Variants in SPIDR observed in about 807,000 individuals in gnomAD.
SPIDR encodes scaffold protein involved in DNA repair.
A neutral mutation model predicts 104.6 loss-of-function variants in SPIDR; 93 were observed. The ratio of observed to expected loss-of-function variants is 0.89; its 90% CI spans 0.75 to 1.06. The LOEUF (loss-of-function observed/expected upper bound fraction) is 1.06, where lower values mean the gene tolerates loss of function less well. Among genes scored for constraint, SPIDR ranks in the 50% least tolerant of loss-of-function variants. SPIDR has a pLI of 0.00. For missense variants in SPIDR, 1,154 were observed against 1,111.2 expected (o/e 1.04, Z -0.55); for synonymous variants, 431 against 416.9 (o/e 1.03, Z -0.41).
At chr8:47,627,998 C>A (rs2066465167) in intron 10 of SPIDR, among the ~76,000 whole-genome samples, 1 of 152,186 alleles carries the variant, frequency 6.6e-6, no homozygotes, top group African/African-American at 2.4e-5. Flanking sequence ...CTCATGATAC[C>A]ACTGACTGTG....
intron 7 of SPIDR, among the ~76,000 whole-genome samples, chr8:47,418,417 C>G (rs940619457): frequency 1.3e-5 from 2 of 151,962 alleles, no homozygotes; most frequent in South Asian, 4.1e-4. Context: ...GGATGTGGCT[C>G]TCTGTTTGTT....
At chr8:47,482,143 G>A (rs1554727633) in intron 8 of SPIDR, among the ~76,000 whole-genome samples, 3 of 152,164 alleles carry the variant, frequency 2.0e-5, no homozygotes, top group Admixed American at 1.3e-4. Flanking sequence ...ATTGTCATGA[G>A]CAGTTCCACC....
intron 8 of SPIDR, among the ~76,000 whole-genome samples, chr8:47,462,071 G>A (rs1554713878): frequency 6.6e-6 from 1 of 152,068 alleles, no homozygotes; most frequent in Non-Finnish European, 1.5e-5. Flanking sequence ...CTGGCACTCA[G>A]GGCTAGTGTT....
At chr8:47,346,688 G>A (rs1157260206) in intron 5 of SPIDR, among the ~76,000 whole-genome samples, 1 of 152,110 alleles carries the variant, frequency 6.6e-6, no homozygotes, top group African/African-American at 2.4e-5. Flanking sequence ...TTTAGTCTTG[G>A]GAGGGTGTAT....
chr8:47,465,127 A>G (rs1027445141), intron 8 of SPIDR, among the ~76,000 whole-genome samples: 1 of 152,188 alleles, frequency 6.6e-6, no homozygotes, highest in Non-Finnish European at 1.5e-5. Flanking sequence ...ACTAAGCCTC[A>G]TAAGTGAAGG....
intron 11 of SPIDR, among the ~76,000 whole-genome samples, chr8:47,692,990 A>G (rs1471384609): frequency 6.6e-6 from 1 of 152,178 alleles, no homozygotes; most frequent in Non-Finnish European, 1.5e-5. Context: ...CGATGGCCTC[A>G]TTTTACCATC....
chr8:47,588,809 T>G (rs2060615573), intron 8 of SPIDR, among the ~76,000 whole-genome samples: 1 of 152,208 alleles, frequency 6.6e-6, no homozygotes, highest in South Asian at 2.1e-4. Flanking sequence ...CAAGTGGTTT[T>G]TTCACATTGC....
chr8:47,564,760 A>T (rs1297953070), intron 8 of SPIDR, among the ~76,000 whole-genome samples: 1 of 152,180 alleles, frequency 6.6e-6, no homozygotes, highest in Non-Finnish European at 1.5e-5. Context: ...TTTCTTTAAA[A>T]GTAGACTAGT....
intron 10 of SPIDR, among the ~76,000 whole-genome samples, chr8:47,631,045 C>T (rs972920326): frequency 6.6e-6 from 1 of 152,092 alleles, no homozygotes; most frequent in African/African-American, 2.4e-5. Context: ...AGGATGAGGG[C>T]GTCGGAGGGA....
chr8:47,447,468 A>G (rs1050854842), intron 8 of SPIDR, among the ~76,000 whole-genome samples: 1 of 151,662 alleles, frequency 6.6e-6, no homozygotes, highest in East Asian at 1.9e-4. Context: ...CCTGCCTCAG[A>G]CTCCCAAAGT....
chr8:47,497,618 G>C (rs1323529992), intron 8 of SPIDR, among the ~76,000 whole-genome samples: 1 of 152,118 alleles, frequency 6.6e-6, no homozygotes, highest in African/African-American at 2.4e-5. Context: ...GGTCTGTTTG[G>C]GAGAATGTCT....
Position 47,673,944 on chromosome 8 carries a change from G to C in SPIDR, c.1685+3G>C, listed in dbSNP as rs17692216. 61,399 of 1,613,482 alleles carry C rather than the reference G, an allele frequency of 0.038. 1,345 individuals are homozygous for C. The highest frequency in any genetic ancestry group is 0.053 in the South Asian group (4,865 of 91,024). ...CTACAGAAAGTCACCAGAGGAAGGT[G>C]AGAACGTGCAGGAATGGCATCCAAT... On this transcript the variant is annotated splice_donor_region_variant and intron_variant, in intron 11 of 19. Coordinates refer to ENST00000297423, the MANE Select transcript of SPIDR (RefSeq NM_001080394.4).
intron 11 of SPIDR, among the ~76,000 whole-genome samples, chr8:47,676,173 G>T (rs1337048335): frequency 6.6e-6 from 1 of 152,206 alleles, no homozygotes; most frequent in Non-Finnish European, 1.5e-5. Context: ...TTTGTGGTTG[G>T]CACTAGAAGC....
At position 47,582,827 on chromosome 8, in the gene SPIDR, T is replaced by TACACACACACACACAC. The variant is rs72295566; in HGVS notation, c.1098-12956_1098-12941dup. 7.7e-5 allele frequency among the ~76,000 whole-genome samples: 10 copies of TACACACACACACACAC among 130,186 alleles called. No homozygotes were observed. In the Admixed American group the frequency reaches 8.0e-4, roughly 10 times the overall value. The allele number at this position is 130,186 out of a possible 152,430, so 85.4% of individuals were successfully genotyped here. On this transcript the variant is annotated intron_variant, in intron 8 of 19. Transcript: ENST00000297423. Reference sequence around the variant, plus strand: ...ACTCCATTAAACAACAACAACAAATTACACACACACACACACACACACACA... The same window carrying TACACACACACACACAC: ...ACTCCATTAAACAACAACAACAAATTACACACACACACACACACACACACACACACACACACACACA...
chr8:47,335,381 C>G (rs2049496048), intron 5 of SPIDR, among the ~76,000 whole-genome samples: 1 of 152,258 alleles, frequency 6.6e-6, no homozygotes, highest in Admixed American at 6.5e-5. Context: ...TTACTCACTA[C>G]AGAATTCTAG....
intron 10 of SPIDR, chr8:47,667,623 T>A (rs2075156237): frequency 6.6e-6 from 1 of 151,760 alleles, no homozygotes; most frequent in South Asian, 2.1e-4. Context: ...AAAAAGATTA[T>A]AAATGTGAGT....
chr8:47,548,230 C>T (rs767297787), intron 8 of SPIDR, among the ~76,000 whole-genome samples: 7 of 152,042 alleles, frequency 4.6e-5, no homozygotes, highest in Non-Finnish European at 7.4e-5. Context: ...AGTATGAATT[C>T]GTGGTACATG....
At chr8:47,651,472 G>A (rs1207157438) in intron 10 of SPIDR, among the ~76,000 whole-genome samples, 1 of 152,168 alleles carries the variant, frequency 6.6e-6, no homozygotes, top group Non-Finnish European at 1.5e-5. Context: ...CGGACGTGGT[G>A]AAAGGGGAAC....
At chr8:47,685,926 G>A (rs957950538) in intron 11 of SPIDR, among the ~76,000 whole-genome samples, 1 of 152,072 alleles carries the variant, frequency 6.6e-6, no homozygotes, top group Non-Finnish European at 1.5e-5. Context: ...GGAGGCCAAG[G>A]CAAGAGGATC....
Sources: gnomAD v4.1 joint callset for allele counts (sites outside exome capture counted in the v4.1 genomes callset) on GRCh38, gnomAD v4.1.1 for gene constraint, MANE v1.5 for transcripts, NCBI Gene and HGNC (gene_info 2026-07-23, HGNC 2026-07-21) for gene names.